The following TMEM127 variants were observed in gnomAD, a reference collection of about 807,000 sequenced individuals.
The protein encoded by TMEM127 is transmembrane protein 127.
Under a neutral mutation model 20.1 loss-of-function variants are expected in TMEM127, and 21 were observed. The observed-to-expected ratio is 1.04, with a 90% CI of 0.74 to 1.50. The LOEUF (loss-of-function observed/expected upper bound fraction) is 1.50. Ranked by LOEUF, TMEM127 falls within the 40% of genes most tolerant of loss-of-function variation. TMEM127 has a pLI of 0.00. For synonymous variants in TMEM127, 150 were observed against 144.7 expected, an observed-to-expected ratio of 1.04 and a Z score of -0.26; for missense variants, 303 against 317.4, an observed-to-expected ratio of 0.95 and a Z score of 0.34.
intron 2 of TMEM127, among the ~76,000 whole-genome samples, chr2:96,257,142 T>C (rs1279043783): frequency 1.3e-5 from 2 of 152,142 alleles, no homozygotes; most frequent in Non-Finnish European, 1.5e-5. Flanking sequence ...TCCAGTACTT[T>C]AGCCATTCTT....
chr2:96,265,975 A>C lies in TMEM127; in HGVS notation c.-238T>G. The C allele has an allele frequency of 5.3e-6, 1 of 187,282 alleles. No individual in the cohort carries two copies. The highest frequency in any genetic ancestry group is 2.3e-5 in the African/African-American group (1 of 42,924). The allele number at this position is 187,282 out of a possible 1,614,324, so 11.6% of individuals were successfully genotyped here. On this transcript the variant is annotated 5_prime_UTR_variant, in exon 1 of 4. Transcript: ENST00000258439. ...GGCCCCAATCCCGCAACGCCCGGACAGACCCGGGGCCGATGCACTTCCGGC... is the reference window on the plus strand; with the variant it reads ...GGCCCCAATCCCGCAACGCCCGGACCGACCCGGGGCCGATGCACTTCCGGC...
At chr2:96,258,877 G>C (rs752769605) in intron 2 of TMEM127, among the ~76,000 whole-genome samples, 1 of 152,166 alleles carries the variant, frequency 6.6e-6, no homozygotes, top group Non-Finnish European at 1.5e-5. Flanking sequence ...GCAGTAGGCC[G>C]TGTCAGATTC....
chr2:96,254,511 G>A (rs1295905160), intron 3 of TMEM127, among the ~76,000 whole-genome samples: 4 of 152,304 alleles, frequency 2.6e-5, no homozygotes, highest in East Asian at 1.9e-4. Context: ...GGGGAGACAC[G>A]GGAGACTGCC....
intron 2 of TMEM127, among the ~76,000 whole-genome samples, chr2:96,258,240 T>C (rs1447763410): frequency 6.6e-6 from 1 of 152,140 alleles, no homozygotes; most frequent in Non-Finnish European, 1.5e-5. Context: ...GTAATCCCCA[T>C]GCAGGTGATC....
chr2:96,265,053 G>A (rs1031949050), intron 2 of TMEM127, 85 bp downstream of exon 2: 2 of 1,578,192 alleles, frequency 1.3e-6, no homozygotes, highest in Admixed American at 1.8e-5. Flanking sequence ...TCAACCAAGT[G>A]TCTGGTCCCT....
Position 96,250,218 on chromosome 2 carries a change from A to T in TMEM127, c.*3590T>A, listed in dbSNP as rs911445752. On this transcript the variant is annotated 3_prime_UTR_variant, in exon 4 of 4. Transcript: ENST00000258439. ...TCTGCTGTTAGTGCCTTAAATGAGC[A>T]CCCCTCACCTTTCTAACCTCGGCTC... The T allele has an allele frequency of 8.6e-6, 2 of 232,802 alleles. No homozygotes were observed. Among genetic ancestry groups the T allele is most frequent in the Non-Finnish European group, 1.7e-5 (2 of 118,000 alleles). The allele number at this position is 232,802 out of a possible 1,614,324, so 14.4% of individuals were successfully genotyped here.
At chr2:96,264,368 A>T (rs1684370283) in intron 2 of TMEM127, among the ~76,000 whole-genome samples, 1 of 152,228 alleles carries the variant, frequency 6.6e-6, no homozygotes. Context: ...ATGGCTCAAA[A>T]GACCTTGGGG....
At chr2:96,257,377 G>A (rs924524206) in intron 2 of TMEM127, among the ~76,000 whole-genome samples, 35 of 152,072 alleles carry the variant, frequency 2.3e-4, no homozygotes, top group Non-Finnish European at 1.5e-4. Context: ...CAGGAGAATC[G>A]CTTGAACCCT....
At chr2:96,263,550 A>G (rs1684353805) in intron 2 of TMEM127, among the ~76,000 whole-genome samples, 1 of 152,190 alleles carries the variant, frequency 6.6e-6, no homozygotes, top group South Asian at 2.1e-4. Context: ...TTTATTTTTA[A>G]CATGCCTTCG....
rs1440530752 is a variant in TMEM127 at position 96,248,571 on chromosome 2, C to G, written c.*5237G>C. 1 of 214,660 alleles carries G rather than the reference C, an allele frequency of 4.7e-6. No individual in the cohort carries two copies. Among genetic ancestry groups the G allele is most frequent in the African/African-American group, 2.3e-5 (1 of 44,244 alleles). The allele number at this position is 214,660 out of a possible 1,614,324, so 13.3% of individuals were successfully genotyped here. On this transcript the variant is annotated 3_prime_UTR_variant, in exon 4 of 4. Transcript: ENST00000258439. ...ACCCATCCACCACCCCAAGGTTATT[C>G]CAGAAGGAAACTCTCCACCAATAGT...
chr2:96,265,520 G>C lies in TMEM127; in HGVS notation c.-131-8C>G, dbSNP rs1373193567. On this transcript the variant is annotated splice_polypyrimidine_tract_variant and splice_region_variant and intron_variant, in intron 1 of 3. Transcript: ENST00000258439. The stretch of plus-strand genomic sequence containing the variant: ...GGTGAAGCCGGGACTGGGCTGTCAG[G>C]GTTGACACCAGAGGATAGGGGGGTG... 1 of 1,151,846 alleles carries C rather than the reference G, an allele frequency of 8.7e-7. No homozygotes were observed. The highest frequency in any genetic ancestry group is 1.6e-5 in the African/African-American group (1 of 61,754). The allele number at this position is 1,151,846 out of a possible 1,614,324, so 71.4% of individuals were successfully genotyped here.
chr2:96,265,321 T>A lies in TMEM127; in HGVS notation c.61A>T (p.Ser21Cys). ...GGRRRRSPGG[S>C]ALPKQPERSL... Reference sequence around the variant, plus strand: ...CGCTCCGGCTGCTTGGGCAGAGCGCTGCCTCCCGGGCTCCTCCGCCGGCGC... The same window carrying A: ...CGCTCCGGCTGCTTGGGCAGAGCGCAGCCTCCCGGGCTCCTCCGCCGGCGC... Residue 21 changes from serine to cysteine, a missense_variant, in exon 2 of 4, where the codon AGC becomes TGC. By Grantham distance (112) the Ser-to-Cys change is moderately radical. Transcript: ENST00000258439. 6.5e-7 allele frequency: 1 copy of A among 1,531,970 alleles called. No individual in the cohort carries two copies. The highest frequency in any genetic ancestry group is 8.7e-7 in the Non-Finnish European group (1 of 1,144,332). The allele number at this position is 1,531,970 out of a possible 1,614,324, so 94.9% of individuals were successfully genotyped here.
Position 96,251,724 on chromosome 2 carries a change from G to A in TMEM127, c.*2084C>T, listed in dbSNP as rs998274614. ...TTCTAGAAAAAAAAACACAACCCGG[G>A]GAATTTATATGACAAACTATCAGTG... On this transcript the variant is annotated 3_prime_UTR_variant, in exon 4 of 4. Transcript: ENST00000258439. The A allele has an allele frequency of 8.6e-6, 2 of 232,660 alleles. No individual in the cohort carries two copies. Among genetic ancestry groups the A allele is most frequent in the South Asian group, 1.8e-4 (1 of 5,514 alleles). The allele number at this position is 232,660 out of a possible 1,614,324, so 14.4% of individuals were successfully genotyped here.
rs540179707 is a variant in TMEM127 at position 96,263,520 on chromosome 2, G to A, written c.244+1618C>T. On this transcript the variant is annotated intron_variant, in intron 2 of 3. Coordinates refer to ENST00000258439, the MANE Select transcript of TMEM127 (RefSeq NM_017849.4). ...TGGAATTACAGATGCCTGCCACCAC[G>A]CCCGGCTCAAAAATTTACTTTTATT... Among the ~76,000 whole-genome samples, 7 of 152,214 alleles carry A rather than the reference G, an allele frequency of 4.6e-5. No individual in the cohort carries two copies. The South Asian group carries it at 8.3e-4, about 18-fold the overall frequency.
chr2:96,265,215 A>T lies in TMEM127; in HGVS notation c.167T>A (p.Ile56Asn), dbSNP rs1177862234. The T allele has an allele frequency of 6.2e-7, 1 of 1,606,498 alleles. No individual in the cohort carries two copies. The highest frequency in any genetic ancestry group is 8.5e-7 in the Non-Finnish European group (1 of 1,178,322). ...CTGGCGCGAACAGGTGCCTCCGTGG[A>T]TGTGCAACCAGGCGGGCTCGGCGAG... ...TALAEPAWLHIHGGTCSRQEL... is the reference protein window; with the variant it reads ...TALAEPAWLHNHGGTCSRQEL... The change falls in exon 2 of 4, where the codon ATC becomes AAC. Residue 56 changes from isoleucine (I) to asparagine (N), a missense_variant. By Grantham distance (149) the Ile-to-Asn change is moderately radical. Coordinates refer to ENST00000258439, the MANE Select transcript of TMEM127 (RefSeq NM_017849.4).
rs183678073 is a variant in TMEM127 at position 96,258,625 on chromosome 2, G to A, written c.245-3628C>T. On this transcript the variant is annotated intron_variant, in intron 2 of 3. Coordinates refer to ENST00000258439, the MANE Select transcript of TMEM127 (RefSeq NM_017849.4). ...CTGTCTACTGCCAGAAAGCCTGCCT[G>A]TGTGTGAACCCTGCCAGCAACTGGG... is the stretch of plus-strand genomic sequence containing the variant. Among the ~76,000 whole-genome samples the A allele has an allele frequency of 4.5e-4, 68 of 152,326 alleles. 1 individual carries two copies. Among genetic ancestry groups the A allele is most frequent in the Admixed American group, 4.4e-3 (68 of 15,304 alleles).
At chr2:96,262,398 A>T (rs1443856856) in intron 2 of TMEM127, among the ~76,000 whole-genome samples, 7 of 152,204 alleles carry the variant, frequency 4.6e-5, no homozygotes. Flanking sequence ...GTCACACAGG[A>T]TACTACATGT....
At position 96,249,080 on chromosome 2, in the gene TMEM127, T is replaced by TGTGTGTGTGTG. The variant is rs1310920581; in HGVS notation, c.*4717_*4727dup. ...CAAAGCTTATGGTGAGGAACCTGTG[T>TGTGTGTGTGTG]GTGTGTGTGTGGTGTGTGTGTGTGT... On this transcript the variant is annotated 3_prime_UTR_variant, in exon 4 of 4. Coordinates refer to ENST00000258439, the MANE Select transcript of TMEM127 (RefSeq NM_017849.4). 8.7e-6 allele frequency: 2 copies of TGTGTGTGTGTG among 230,490 alleles called. No individual in the cohort carries two copies. Among genetic ancestry groups the TGTGTGTGTGTG allele is most frequent in the African/African-American group, 2.2e-5 (1 of 44,666 alleles). The allele number at this position is 230,490 out of a possible 1,614,324, so 14.3% of individuals were successfully genotyped here.
Position 96,254,972 on chromosome 2 carries a change from C to A in TMEM127, c.270G>T (p.Val90=), listed in dbSNP as rs748896126. 47 of 1,614,116 alleles carry A rather than the reference C, an allele frequency of 2.9e-5. No individual in the cohort carries two copies. The Admixed American group carries it at 7.5e-4, about 26-fold the overall frequency. The change falls in exon 3 of 4, where the codon GTG becomes GTT. Residue 90 remains valine (V), a synonymous_variant. Coordinates refer to ENST00000258439, the MANE Select transcript of TMEM127 (RefSeq NM_017849.4). ...LKDFCMNPQT[V]LLLRVIAAFC... is the part of the protein sequence containing the mutation. ...AGGCGGCGATGACCCGCAGGAGCAG[C>A]ACTGTCTGGGGATTCATGCAGAAAT...
Sources: allele counts gnomAD v4.1 joint callset (sites outside exome capture counted in the v4.1 genomes callset), GRCh38; gene constraint gnomAD v4.1.1; transcripts MANE v1.5; gene names NCBI Gene and HGNC (gene_info 2026-07-23, HGNC 2026-07-21).